Variants in SIL1 observed in about 807,000 individuals in gnomAD.
SIL1 encodes the protein SIL1 nucleotide exchange factor, also known as nucleotide exchange factor SIL1.
A neutral mutation model predicts 49.1 loss-of-function variants in SIL1; 40 were observed. That is an observed-to-expected ratio of 0.81 (90% CI 0.63 to 1.06). The LOEUF (loss-of-function observed/expected upper bound fraction) is 1.06. SIL1 is among the 50% of genes least tolerant of loss of function. The pLI is 0.00. For missense variants in SIL1, 500 were observed against 572.6 expected (o/e 0.87, Z 1.29); for synonymous variants, 253 against 250.8 (o/e 1.01, Z -0.08).
At chr5:139,156,490 T>C (rs1206886396) in intron 1 of SIL1, among the ~76,000 whole-genome samples, 1 of 151,768 alleles carries the variant, frequency 6.6e-6, no homozygotes, top group Admixed American at 6.6e-5. Flanking sequence ...AGCCCAGGAG[T>C]TGAGTCTGGC....
At chr5:138,987,403 A>G (rs903005832) in intron 7 of SIL1, among the ~76,000 whole-genome samples, 5 of 152,104 alleles carry the variant, frequency 3.3e-5, no homozygotes, top group African/African-American at 7.2e-5. Context: ...TAAAAAAAAA[A>G]TCTAACTAGT....
At chr5:139,152,055 CTGA>C (rs772331839) in intron 1 of SIL1, among the ~76,000 whole-genome samples, 3 of 152,200 alleles carry the variant, frequency 2.0e-5, no homozygotes, top group Non-Finnish European at 4.4e-5. Flanking sequence ...CAAAGAGGCT[CTGA>C]GGTGAGAGCA....
At chr5:139,048,294 G>C (rs1372963607) in intron 4 of SIL1, among the ~76,000 whole-genome samples, 1 of 151,464 alleles carries the variant, frequency 6.6e-6, no homozygotes, top group Non-Finnish European at 1.5e-5. Flanking sequence ...TGGGACTACA[G>C]GCATAATACA....
intron 5 of SIL1, among the ~76,000 whole-genome samples, chr5:139,039,298 A>C (rs1440426957): frequency 1.3e-5 from 2 of 152,174 alleles, no homozygotes; most frequent in Non-Finnish European, 2.9e-5. Flanking sequence ...ACAGCTTGCT[A>C]CTACCACCAA....
At chr5:138,978,018 A>G in intron 7 of SIL1, among the ~76,000 whole-genome samples, 1 of 152,108 alleles carries the variant, frequency 6.6e-6, no homozygotes, top group East Asian at 1.9e-4. Flanking sequence ...ACCTTATATC[A>G]TCCTATTTTA....
intron 1 of SIL1, among the ~76,000 whole-genome samples, chr5:139,133,771 C>T (rs1168712986): frequency 6.6e-6 from 1 of 152,222 alleles, no homozygotes; most frequent in Non-Finnish European, 1.5e-5. Flanking sequence ...ACTGTATGTT[C>T]ATGTATTTGT....
intron 5 of SIL1, among the ~76,000 whole-genome samples, chr5:139,037,485 T>C (rs1300747039): frequency 6.6e-6 from 1 of 152,236 alleles, no homozygotes; most frequent in Non-Finnish European, 1.5e-5. Flanking sequence ...AAATGTTAGA[T>C]CTTTTGTTAC....
chr5:138,970,361 G>C (rs550424164), intron 7 of SIL1, among the ~76,000 whole-genome samples: 1 of 152,334 alleles, frequency 6.6e-6, no homozygotes, highest in South Asian at 2.1e-4. Flanking sequence ...CAGGGAAGCA[G>C]CTTCCCTGGA....
At chr5:139,093,015 C>T (rs2151777438) in intron 3 of SIL1, among the ~76,000 whole-genome samples, 1 of 152,292 alleles carries the variant, frequency 6.6e-6, no homozygotes, top group South Asian at 2.1e-4. Context: ...CAGCTGGGTG[C>T]AGTGGTGTGC....
intron 5 of SIL1, among the ~76,000 whole-genome samples, chr5:139,031,557 C>T (rs1768793090): frequency 6.6e-6 from 1 of 152,096 alleles, no homozygotes; most frequent in Non-Finnish European, 1.5e-5. Flanking sequence ...TGTTTTCTTC[C>T]ACTTATTCTT....
intron 7 of SIL1, among the ~76,000 whole-genome samples, chr5:138,970,907 A>G (rs1001372294): frequency 1.3e-5 from 2 of 151,898 alleles, no homozygotes; most frequent in African/African-American, 4.8e-5. Context: ...AACAAAGAGC[A>G]AAACTCAAAA....
intron 3 of SIL1, among the ~76,000 whole-genome samples, chr5:139,103,754 T>C (rs967539683): frequency 1.3e-5 from 2 of 152,212 alleles, no homozygotes; most frequent in South Asian, 2.1e-4. Flanking sequence ...GGAGTCAGCA[T>C]AAGCATGAAG....
At chr5:139,132,651 G>A (rs1750887958) in intron 1 of SIL1, among the ~76,000 whole-genome samples, 1 of 152,154 alleles carries the variant, frequency 6.6e-6, no homozygotes, top group African/African-American at 2.4e-5. Context: ...CTTCACAGGG[G>A]CATCCAGAGA....
In SIL1 at chr5:138,951,339, G is replaced by T. The variant is rs1766772971; in HGVS notation, c.865-4C>A. On this transcript the variant is annotated splice_region_variant and splice_polypyrimidine_tract_variant and intron_variant, in intron 8 of 9. Transcript: ENST00000394817. ...GGGAGCACAGTGCAAACAGGACCTG[G>T]GGGCACAGACCCAGGGGTAGGTGAG... The T allele has an allele frequency of 6.4e-7, 1 of 1,552,670 alleles. No homozygotes were observed. Among genetic ancestry groups the T allele is most frequent in the Non-Finnish European group, 8.7e-7 (1 of 1,147,586 alleles).
At chr5:139,102,771 A>G (rs1447208464) in intron 3 of SIL1, among the ~76,000 whole-genome samples, 3 of 150,514 alleles carry the variant, frequency 2.0e-5, no homozygotes, top group Non-Finnish European at 4.4e-5. Flanking sequence ...CTGGAGTGCA[A>G]TGGTGCAATC....
intron 7 of SIL1, chr5:139,012,628 TTTC>T (rs1182300132): frequency 6.6e-6 from 1 of 152,268 alleles, no homozygotes; most frequent in Admixed American, 6.5e-5. Flanking sequence ...GTCATGATTT[TTTC>T]TTTTTTCTTT....
At chr5:139,126,051 A>G (rs1281869425) in intron 2 of SIL1, among the ~76,000 whole-genome samples, 2 of 152,206 alleles carry the variant, frequency 1.3e-5, no homozygotes, top group East Asian at 1.9e-4. Flanking sequence ...AGAAAGGATC[A>G]TAACCACCTC....
intron 1 of SIL1, among the ~76,000 whole-genome samples, chr5:139,177,680 A>T (rs1327018266): frequency 6.6e-6 from 1 of 152,218 alleles, no homozygotes; most frequent in African/African-American, 2.4e-5. Context: ...TCTAGGGTCT[A>T]TACCCGCCCA....
In SIL1 at chr5:138,951,340, G is replaced by A; in HGVS notation, c.865-5C>T. The A allele has an allele frequency of 1.3e-6, 2 of 1,552,566 alleles. No individual in the cohort carries two copies. Among genetic ancestry groups the A allele is most frequent in the Non-Finnish European group, 1.7e-6 (2 of 1,147,546 alleles). ...GGAGCACAGTGCAAACAGGACCTGG[G>A]GGCACAGACCCAGGGGTAGGTGAGG... On this transcript the variant is annotated splice_region_variant and splice_polypyrimidine_tract_variant and intron_variant, in intron 8 of 9. Coordinates refer to ENST00000394817, the MANE Select transcript of SIL1 (RefSeq NM_022464.5).
Sources: allele counts gnomAD v4.1 joint callset (sites outside exome capture counted in the v4.1 genomes callset), GRCh38; gene constraint gnomAD v4.1.1; transcripts MANE v1.5; gene names NCBI Gene and HGNC (gene_info 2026-07-23, HGNC 2026-07-21).